AKAP8: variants seen among roughly 807,000 people sequenced by gnomAD.
The protein encoded by AKAP8 is A-kinase anchoring protein 8.
Under a neutral mutation model 67.5 loss-of-function variants are expected in AKAP8, and 24 were observed. The observed-to-expected ratio is 0.36, with a 90% CI of 0.26 to 0.50. The LOEUF (loss-of-function observed/expected upper bound fraction) is 0.50, where lower values mean the gene tolerates loss of function less well. Ranked by LOEUF, AKAP8 falls within the 20% of genes least tolerant of loss-of-function variation. AKAP8 has a pLI of 0.97. For synonymous variants in AKAP8, 400 were observed against 371.1 expected (o/e 1.08, Z -0.90); for missense variants, 971 against 955.9 (o/e 1.02, Z -0.21).
At chr19:15,372,572 G>C (rs1967177607) in intron 5 of AKAP8, among the ~76,000 whole-genome samples, 1 of 151,574 alleles carries the variant, frequency 6.6e-6, no homozygotes, top group African/African-American at 2.4e-5. Context: ...AAAATGTCTA[G>C]AACACACAAA....
rs1226617275 is a variant in AKAP8 at position 15,353,670 on chromosome 19, C to CT, written c.*1244dup. 1 of 152,156 alleles carries CT rather than the reference C, an allele frequency of 6.6e-6. No homozygotes were observed. The highest frequency in any genetic ancestry group is 1.5e-5 in the Non-Finnish European group (1 of 68,042). 9.4% of individuals were successfully genotyped at this position (152,156 alleles called of 1,614,324 possible). A position where few individuals can be genotyped will look rare whatever the true frequency, so the allele number is the denominator to read the frequency against. ...GTTAGCCCCTGGTATACAGTAGAGG[C>CT]TCGGCAAATATTCTACAGCCTCCTT... On this transcript the variant is annotated 3_prime_UTR_variant, in exon 14 of 14. Coordinates refer to ENST00000269701, the MANE Select transcript of AKAP8 (RefSeq NM_005858.4).
chr19:15,373,808 C>T lies in AKAP8; in HGVS notation c.349G>A (p.Glu117Lys), dbSNP rs886563750. 1 of 1,610,374 alleles carries T rather than the reference C, an allele frequency of 6.2e-7. No homozygotes were observed. The highest frequency in any genetic ancestry group is 1.3e-5 in the African/African-American group (1 of 74,970). Residue 117 changes from glutamate (E) to lysine (K), a missense_variant, in exon 4 of 14, where the codon GAG (glutamate) becomes AAG (lysine). By Grantham distance (56) the Glu-to-Lys change is moderately conservative. Coordinates refer to ENST00000269701, the MANE Select transcript of AKAP8 (RefSeq NM_005858.4). ...GGRGGSGGGG[E>K]GIQDRESSFR... ...CACCTCTCCCGGTCCTGTATGCCCT[C>T]CCCACCGCCGCCGCTCCCGCCCCTG...
At chr19:15,368,715 G>A in intron 8 of AKAP8, 1 of 985,352 alleles carries the variant, frequency 1.0e-6, no homozygotes, top group South Asian at 4.7e-5. Context: ...GGCGGCAGCT[G>A]AAGGCCTCAG....
chr19:15,379,616 T>G (rs1017699555), intron 1 of AKAP8, 97 bp downstream of exon 1: 32 of 1,442,750 alleles, frequency 2.2e-5, no homozygotes, highest in Middle Eastern at 3.7e-4. Flanking sequence ...GCAACCACGC[T>G]CGGGACGAAG....
At position 15,354,887 on chromosome 19, in the gene AKAP8, C is replaced by G. The variant is rs376489439; in HGVS notation, c.*28G>C. ...AAGACCAACGCATCCATCATCCCAACGCCTTCCCTGGAACAGGGAAATGAG... is the reference window on the plus strand; with the variant it reads ...AAGACCAACGCATCCATCATCCCAAGGCCTTCCCTGGAACAGGGAAATGAG... On this transcript the variant is annotated 3_prime_UTR_variant, in exon 14 of 14. Coordinates refer to ENST00000269701, the MANE Select transcript of AKAP8 (RefSeq NM_005858.4). The G allele has an allele frequency of 1.2e-6, 2 of 1,607,298 alleles. No individual in the cohort carries two copies. The highest frequency in any genetic ancestry group is 1.7e-6 in the Non-Finnish European group (2 of 1,175,490).
intron 12 of AKAP8, 90 bp from the exon 13 acceptor site, chr19:15,359,152 T>C (rs1966924422): frequency 5.8e-6 from 7 of 1,199,316 alleles, no homozygotes; most frequent in Admixed American, 3.5e-5. Context: ...CATCCTGAGA[T>C]CAGCCCTATG....
rs12983369 is a variant in AKAP8 at position 15,373,179 on chromosome 19, C to T, written c.533G>A (p.Arg178Gln). The T allele has an allele frequency of 1.2e-4, 196 of 1,613,532 alleles. No homozygotes were observed. The highest frequency in any genetic ancestry group is 1.6e-4 in the Non-Finnish European group (187 of 1,180,018). Reference protein sequence around the residue: ...GQYSECRDPARERGSLDGFMR... With the variant: ...GQYSECRDPAQERGSLDGFMR... ...GAAGCCATCAAGGGAGCCCCGCTCC[C>T]GGGCTGGGTCTCGGCATTCACTGTA... The change falls in exon 5 of 14, where the codon CGG becomes CAG. Residue 178 changes from arginine (R) to glutamine (Q), a missense_variant. Physicochemically the swap from Arg to Gln is conservative, Grantham distance 43. Around this residue, in one of 3 missense-constraint regions of AKAP8, gnomAD observed 763 missense variants for 745.4 expected, o/e 1.02. Coordinates refer to ENST00000269701, the MANE Select transcript of AKAP8 (RefSeq NM_005858.4).
At chr19:15,370,845 T>C (rs1461119883) in intron 7 of AKAP8, among the ~76,000 whole-genome samples, 1 of 152,098 alleles carries the variant, frequency 6.6e-6, no homozygotes, top group Non-Finnish European at 1.5e-5. Flanking sequence ...TTGGCCAGGA[T>C]GGTCTCAATC....
intron 9 of AKAP8, among the ~76,000 whole-genome samples, chr19:15,366,909 C>T (rs930163647): frequency 2.0e-5 from 3 of 149,934 alleles, no homozygotes; most frequent in Admixed American, 6.7e-5. Flanking sequence ...GCCCCCAGCC[C>T]GTTTCTTTTT....
intron 5 of AKAP8, 27 bp downstream of exon 5, chr19:15,372,824 G>A (rs1368711009): frequency 3.4e-6 from 5 of 1,480,802 alleles, no homozygotes; most frequent in Non-Finnish European, 4.5e-6. Context: ...AGCGAAGGCG[G>A]CCGGAAGGAA....
chr19:15,379,557 T>TGA (rs1967333604), intron 1 of AKAP8, 156 bp downstream of exon 1: 1 of 769,718 alleles, frequency 1.3e-6, no homozygotes, highest in East Asian at 3.4e-5. Flanking sequence ...CAAAGCCCAA[T>TGA]GAGCGGCGCG....
intron 3 of AKAP8, 82 bp downstream of exon 3, chr19:15,374,521 C>A: frequency 2.0e-6 from 3 of 1,521,172 alleles, no homozygotes; most frequent in Non-Finnish European, 1.8e-6. Context: ...CACGCCAGAC[C>A]TCCCTGACGG....
intron 9 of AKAP8, among the ~76,000 whole-genome samples, chr19:15,366,098 T>A (rs572790359): frequency 3.0e-5 from 4 of 131,918 alleles, no homozygotes; most frequent in Non-Finnish European, 4.8e-5. Context: ...TTTTTTTTTT[T>A]TAAAAAAAGT....
Position 15,369,280 on chromosome 19 carries a change from G to A in AKAP8, c.1072+866C>T. ...TAGCATTGTGCCGCTAAGCGCTCGG[G>A]GCGCCCCGTGCTATGGACAGGACTG... On this transcript the variant is annotated intron_variant, in intron 8 of 13. Coordinates refer to ENST00000269701, the MANE Select transcript of AKAP8 (RefSeq NM_005858.4). This position sits in a 1 kb window ranked among gnomAD's most constrained non-coding sequence, Gnocchi z 4.6. The A allele has an allele frequency of 1.0e-6, 1 of 985,380 alleles. No homozygotes were observed. The highest frequency in any genetic ancestry group is 1.2e-6 in the Non-Finnish European group (1 of 829,854). 61.0% of individuals were successfully genotyped at this position (985,380 alleles called of 1,614,324 possible).
At chr19:15,359,193 C>T (rs564703615) in intron 12 of AKAP8, 131 bp from the exon 13 acceptor site, 16 of 778,780 alleles carry the variant, frequency 2.1e-5, no homozygotes, top group Non-Finnish European at 2.7e-5. Flanking sequence ...CGCCAGCCTC[C>T]AAGAATAGAA....
chr19:15,361,110 A>C lies in AKAP8; in HGVS notation c.1397-132T>G. 2.6e-6 allele frequency: 3 copies of C among 1,167,352 alleles called. No individual in the cohort carries two copies. The East Asian group carries it at 7.8e-5, about 30-fold the overall frequency. The allele number at this position is 1,167,352 out of a possible 1,614,324, so 72.3% of individuals were successfully genotyped here. A position where few individuals can be genotyped will look rare whatever the true frequency, so the allele number is the denominator to read the frequency against. On this transcript the variant is annotated intron_variant, in intron 11 of 13. Transcript: ENST00000269701. ...GGGCACAGCCTGCCTTTCTATGGGGAGTATGGGTCAGCACATCGGCCTCTA... is the reference window on the plus strand; with the variant it reads ...GGGCACAGCCTGCCTTTCTATGGGGCGTATGGGTCAGCACATCGGCCTCTA...
intron 13 of AKAP8, among the ~76,000 whole-genome samples, chr19:15,357,536 A>G (rs1016295968): frequency 2.0e-5 from 3 of 150,556 alleles, no homozygotes; most frequent in African/African-American, 7.3e-5. Flanking sequence ...TGAGCTCAGG[A>G]ATTCGAGGCT....
Position 15,358,142 on chromosome 19 carries a change from G to T in AKAP8, c.1623+825C>A, listed in dbSNP as rs1599555702. On this transcript the variant is annotated intron_variant, in intron 13 of 13. Coordinates refer to ENST00000269701, the MANE Select transcript of AKAP8 (RefSeq NM_005858.4). Reference sequence around the variant, plus strand: ...GCCCCAAATGCTAAAGTCCTGGGATGAACACTGAGCAAAATGGGTTTCACA... The same window carrying T: ...GCCCCAAATGCTAAAGTCCTGGGATTAACACTGAGCAAAATGGGTTTCACA... Among the ~76,000 whole-genome samples the T allele has an allele frequency of 2.6e-5, 4 of 152,146 alleles. No individual in the cohort carries two copies. The South Asian group carries it at 8.3e-4, about 32-fold the overall frequency.
intron 7 of AKAP8, among the ~76,000 whole-genome samples, 154 bp from the exon 8 acceptor site, chr19:15,370,333 C>T (rs1433058253): frequency 6.6e-6 from 1 of 152,170 alleles, no homozygotes; most frequent in Non-Finnish European, 1.5e-5. Flanking sequence ...TAGGACCAGC[C>T]TCCGGGGCTC....
Sources: gnomAD v4.1 joint callset for allele counts (sites outside exome capture counted in the v4.1 genomes callset) on GRCh38, gnomAD v4.1.1 for gene constraint, gnomAD v4.1.1 regional missense constraint, Gnocchi (gnomAD v3.1) non-coding constraint, MANE v1.5 for transcripts, NCBI Gene and HGNC (gene_info 2026-07-23, HGNC 2026-07-21) for gene names.